Variants in EXOC6B observed in about 807,000 individuals in gnomAD.
EXOC6B encodes the protein SEC15 homolog B.
EXOC6B carries 54 observed loss-of-function variants against 113.5 expected under a neutral mutation model. The ratio of observed to expected loss-of-function variants is 0.48; its 90% CI spans 0.38 to 0.60. The LOEUF is 0.60. EXOC6B is among the 20% of genes least tolerant of loss of function. The pLI is 0.00. For synonymous variants in EXOC6B, 357 were observed against 339.0 expected, an observed-to-expected ratio of 1.05 and a Z score of -0.58; for missense variants, 797 against 977.5, an observed-to-expected ratio of 0.82 and a Z score of 2.46.
intron 20 of EXOC6B, among the ~76,000 whole-genome samples, chr2:72,254,902 T>C (rs542834389): frequency 9.2e-5 from 14 of 152,160 alleles, no homozygotes; most frequent in Admixed American, 9.2e-4. Context: ...CTATTTATGG[T>C]AAAATGTGAT....
chr2:72,398,539 A>G (rs1692903599), intron 18 of EXOC6B, among the ~76,000 whole-genome samples: 1 of 152,112 alleles, frequency 6.6e-6, no homozygotes, highest in Non-Finnish European at 1.5e-5. Flanking sequence ...TCTATTAAAA[A>G]TACAAAAATT....
At chr2:72,385,639 A>G (rs758617874) in intron 18 of EXOC6B, among the ~76,000 whole-genome samples, 1 of 152,138 alleles carries the variant, frequency 6.6e-6, no homozygotes, top group Non-Finnish European at 1.5e-5. Context: ...CATCCAAACT[A>G]TATAAGGAAC....
At chr2:72,552,339 T>C (rs1703285825) in intron 8 of EXOC6B, among the ~76,000 whole-genome samples, 1 of 151,862 alleles carries the variant, frequency 6.6e-6, no homozygotes. Flanking sequence ...TTGAAGAGAG[T>C]AAACAAAATA....
At chr2:72,643,511 G>A (rs1573542071) in intron 6 of EXOC6B, among the ~76,000 whole-genome samples, 1 of 148,372 alleles carries the variant, frequency 6.7e-6, no homozygotes, top group East Asian at 2.0e-4. Flanking sequence ...ACTATCGCAA[G>A]AACAAAAAAC....
intron 6 of EXOC6B, among the ~76,000 whole-genome samples, chr2:72,577,368 C>T (rs553629789): frequency 5.9e-5 from 9 of 152,018 alleles, no homozygotes; most frequent in Non-Finnish European, 1.0e-4. Context: ...GGATCAAGGA[C>T]TCCGGGGCAC....
At chr2:72,802,291 C>A (rs1014491653) in intron 1 of EXOC6B, among the ~76,000 whole-genome samples, 1 of 150,904 alleles carries the variant, frequency 6.6e-6, no homozygotes, top group Non-Finnish European at 1.5e-5. Context: ...CACCACTGCA[C>A]TCTAGCCTGG....
intron 6 of EXOC6B, among the ~76,000 whole-genome samples, chr2:72,669,965 T>C (rs1410843069): frequency 6.6e-6 from 1 of 152,246 alleles, no homozygotes; most frequent in African/African-American, 2.4e-5. Flanking sequence ...TGCACAGCTT[T>C]AATATGCACT....
At chr2:72,258,355 CTTTTTCTT>C (rs1683480895) in intron 20 of EXOC6B, among the ~76,000 whole-genome samples, 2 of 140,778 alleles carry the variant, frequency 1.4e-5, no homozygotes, top group Non-Finnish European at 3.1e-5. Flanking sequence ...TTATTTTTAT[CTTTTTCTT>C]TTTTTTTTTT....
intron 18 of EXOC6B, among the ~76,000 whole-genome samples, chr2:72,422,157 C>A (rs1275150590): frequency 1.3e-5 from 2 of 152,208 alleles, no homozygotes; most frequent in South Asian, 2.1e-4. Flanking sequence ...ACGAGCACCA[C>A]CCCCTGCTCC....
At chr2:72,233,999 G>T (rs1681798475) in intron 20 of EXOC6B, among the ~76,000 whole-genome samples, 1 of 152,118 alleles carries the variant, frequency 6.6e-6, no homozygotes, top group African/African-American at 2.4e-5. Context: ...CCGGACACTG[G>T]TAGCCAGGTG....
chr2:72,520,317 T>C (rs1558757767), intron 8 of EXOC6B, among the ~76,000 whole-genome samples: 1 of 152,222 alleles, frequency 6.6e-6, no homozygotes, highest in Non-Finnish European at 1.5e-5. Context: ...GCAATAATCA[T>C]TTACTTGTAA....
chr2:72,666,888 A>G (rs1675435385), intron 6 of EXOC6B, among the ~76,000 whole-genome samples: 1 of 151,082 alleles, frequency 6.6e-6, no homozygotes. Context: ...TTCTCAGTGG[A>G]GTCTCACTCT....
chr2:72,786,775 G>A (rs1471817571), intron 1 of EXOC6B, among the ~76,000 whole-genome samples: 1 of 152,154 alleles, frequency 6.6e-6, no homozygotes, highest in Non-Finnish European at 1.5e-5. Context: ...GATACACTCA[G>A]TGCTAAGCAC....
intron 6 of EXOC6B, among the ~76,000 whole-genome samples, chr2:72,593,022 G>T (rs1229668118): frequency 6.6e-6 from 1 of 152,034 alleles, no homozygotes; most frequent in Non-Finnish European, 1.5e-5. Flanking sequence ...AGTGGCCAAT[G>T]ATTTAATTAA....
chr2:72,445,067 T>A (rs997208057), intron 18 of EXOC6B, among the ~76,000 whole-genome samples: 6 of 152,114 alleles, frequency 3.9e-5, no homozygotes, highest in African/African-American at 1.4e-4. Context: ...TTTAACAGCA[T>A]CCAAGTCACT....
chr2:72,555,749 C>T (rs1703504803), intron 8 of EXOC6B, among the ~76,000 whole-genome samples: 1 of 152,132 alleles, frequency 6.6e-6, no homozygotes, highest in African/African-American at 2.4e-5. Flanking sequence ...CAGATTCAAA[C>T]AATTTTCCTG....
chr2:72,605,197 T>C (rs1670674829), intron 6 of EXOC6B, among the ~76,000 whole-genome samples: 3 of 151,436 alleles, frequency 2.0e-5, no homozygotes, highest in Non-Finnish European at 2.9e-5. Flanking sequence ...GGCAGAAGAA[T>C]TGCTTGAACC....
Position 72,748,396 on chromosome 2 carries a change from A to G in EXOC6B, c.114-6927T>C, listed in dbSNP as rs186362713. The stretch of plus-strand genomic sequence containing the variant: ...ATGATGTTGAAAGAGAAACTGCAGG[A>G]GGTCAAAAGGAGTTTAAAGTCCCTT... On this transcript the variant is annotated intron_variant, in intron 1 of 21. Coordinates refer to ENST00000272427, the MANE Select transcript of EXOC6B (RefSeq NM_015189.3). 4.5e-4 allele frequency among the ~76,000 whole-genome samples: 69 copies of G among 152,218 alleles called. 1 individual carries two copies. Among genetic ancestry groups the G allele is most frequent in the African/African-American group, 1.6e-3 (67 of 41,564 alleles).
intron 8 of EXOC6B, among the ~76,000 whole-genome samples, chr2:72,558,175 A>C (rs552385195): frequency 6.5e-4 from 99 of 152,308 alleles, no homozygotes; most frequent in African/African-American, 2.3e-3. Flanking sequence ...ATGTAAATAC[A>C]AAAATCACAT....
Sources: gnomAD v4.1 joint callset for allele counts (sites outside exome capture counted in the v4.1 genomes callset) on GRCh38, gnomAD v4.1.1 for gene constraint, MANE v1.5 for transcripts, NCBI Gene and HGNC (gene_info 2026-07-23, HGNC 2026-07-21) for gene names.